The following COL26A1 variants were observed in gnomAD, a reference collection of about 807,000 sequenced individuals.
COL26A1 encodes the protein collagen type XXVI alpha 1 chain, also known as collagen alpha-1(XXVI) chain.
A neutral mutation model predicts 59.3 loss-of-function variants in COL26A1; 41 were observed. The ratio of observed to expected loss-of-function variants is 0.69; its 90% CI spans 0.54 to 0.90. The LOEUF is 0.90. COL26A1 is among the 40% of genes least tolerant of loss of function. The pLI, the probability that COL26A1 is intolerant of heterozygous loss-of-function variation, is 0.00. For synonymous variants in COL26A1, 266 were observed against 256.0 expected (o/e 1.04, Z -0.37); for missense variants, 612 against 602.3 (o/e 1.02, Z -0.17).
intron 3 of COL26A1, among the ~76,000 whole-genome samples, chr7:101,472,793 G>A (rs1401706896): frequency 3.7e-5 from 3 of 81,958 alleles, no homozygotes; most frequent in African/African-American, 1.0e-4. Flanking sequence ...CCTTCCAGTC[G>A]AAGTGTTGTG....
chr7:101,447,178 A>G (rs746329210), intron 2 of COL26A1, among the ~76,000 whole-genome samples: 25 of 152,184 alleles, frequency 1.6e-4, no homozygotes, highest in Non-Finnish European at 2.9e-4. Context: ...CACTGATCTT[A>G]GGTTTTATAA....
chr7:101,390,070 T>A (rs2130143201), intron 1 of COL26A1, among the ~76,000 whole-genome samples: 1 of 151,722 alleles, frequency 6.6e-6, no homozygotes, highest in African/African-American at 2.4e-5. Context: ...TTTTTGGGTG[T>A]CATAGCCAAG....
rs1260359080 is a variant in COL26A1 at position 101,401,844 on chromosome 7, G to T, written c.159-18133G>T. Among the ~76,000 whole-genome samples the T allele has an allele frequency of 7.9e-5, 12 of 152,184 alleles. No homozygotes were observed. The East Asian group carries it at 2.3e-3, about 30-fold the overall frequency. ...ATTTCCCAACTGGGCCCCAACCCAGGACACCACCTCTTGTCTCCAGCGGAA... is the reference window on the plus strand; with the variant it reads ...ATTTCCCAACTGGGCCCCAACCCAGTACACCACCTCTTGTCTCCAGCGGAA... On this transcript the variant is annotated intron_variant, in intron 1 of 12. Coordinates refer to ENST00000313669, the MANE Select transcript of COL26A1 (RefSeq NM_001278563.3).
At chr7:101,476,250 G>A (rs139712090) in intron 3 of COL26A1, among the ~76,000 whole-genome samples, 2,476 of 151,834 alleles carry the variant, frequency 0.016, 52 homozygotes, top group Non-Finnish European at 0.022. Flanking sequence ...TGCCCACCTC[G>A]ACCTCCTAAA....
At chr7:101,502,329 A>C (rs1421820977) in intron 3 of COL26A1, among the ~76,000 whole-genome samples, 1 of 152,168 alleles carries the variant, frequency 6.6e-6, no homozygotes, top group Non-Finnish European at 1.5e-5. Flanking sequence ...GCGACAGAGC[A>C]AGACTCAGTC....
chr7:101,528,472 G>A lies in COL26A1; in HGVS notation c.386-4610G>A, dbSNP rs1047975027. On this transcript the variant is annotated intron_variant, in intron 3 of 12. Transcript: ENST00000313669. Reference sequence around the variant, plus strand: ...CCCAAGGGTGGGGTGGTGTCTTCCTGTGTGGCTCGAGCTGGAGAGTTGCTT... The same window carrying A: ...CCCAAGGGTGGGGTGGTGTCTTCCTATGTGGCTCGAGCTGGAGAGTTGCTT... 7.2e-5 allele frequency among the ~76,000 whole-genome samples: 11 copies of A among 152,130 alleles called. No homozygotes were observed. In the South Asian group the frequency reaches 2.3e-3, roughly 32 times the overall value.
chr7:101,511,129 C>T (rs1794914963), intron 3 of COL26A1, among the ~76,000 whole-genome samples: 1 of 151,468 alleles, frequency 6.6e-6, no homozygotes, highest in Non-Finnish European at 1.5e-5. Context: ...GTCTCGATCT[C>T]CTAGCCTCAT....
rs4989272 is a variant in COL26A1, at chr7:101,362,912, C to T, written c.-121C>T. ...TTTCCAGCTCGCACCCGGGCTCCGA[C>T]CGCTCGCCCCGCTCCTCTCGCTGTG... On this transcript the variant is annotated 5_prime_UTR_variant, in exon 1 of 13. Coordinates refer to ENST00000313669, the MANE Select transcript of COL26A1 (RefSeq NM_001278563.3). 553,496 of 1,065,870 alleles carry T rather than the reference C, an allele frequency of 0.52. 147,104 individuals carry two copies. The highest frequency in any genetic ancestry group is 0.81 in the African/African-American group (47,666 of 59,132). 66.0% of individuals were successfully genotyped at this position (1,065,870 alleles called of 1,614,324 possible).
intron 3 of COL26A1, among the ~76,000 whole-genome samples, chr7:101,508,114 T>C (rs1027002423): frequency 1.3e-5 from 2 of 152,336 alleles, no homozygotes; most frequent in African/African-American, 2.4e-5. Context: ...TGCTCACATC[T>C]TCTCTTCCAC....
intron 12 of COL26A1, among the ~76,000 whole-genome samples, chr7:101,556,244 T>G (rs1016503074): frequency 6.6e-6 from 1 of 152,200 alleles, no homozygotes; most frequent in African/African-American, 2.4e-5. Context: ...CCCTCCTCTT[T>G]GTCCCTATGG....
At chr7:101,490,973 G>A (rs1164955099) in intron 3 of COL26A1, among the ~76,000 whole-genome samples, 3 of 128,098 alleles carry the variant, frequency 2.3e-5, no homozygotes, top group Non-Finnish European at 4.7e-5. Flanking sequence ...GACAGAGAAT[G>A]GCTCTGTCTC....
At chr7:101,492,622 C>T (rs760702921) in intron 3 of COL26A1, among the ~76,000 whole-genome samples, 7 of 151,248 alleles carry the variant, frequency 4.6e-5, no homozygotes, top group East Asian at 1.9e-4. Context: ...GCTTGAATCC[C>T]GGAGGTGGAG....
intron 3 of COL26A1, among the ~76,000 whole-genome samples, chr7:101,492,699 AAAAT>A (rs200117030): frequency 0.1 from 14,226 of 141,002 alleles, 821 homozygotes; most frequent in South Asian, 0.15. Context: ...TCTGTCTCAA[AAAAT>A]AAATAAATAA....
intron 3 of COL26A1, among the ~76,000 whole-genome samples, chr7:101,461,392 G>A (rs536499533): frequency 7.9e-5 from 12 of 151,582 alleles, no homozygotes; most frequent in East Asian, 1.9e-4. Context: ...TCCGCCTCCC[G>A]GGTTCAAGCG....
intron 3 of COL26A1, among the ~76,000 whole-genome samples, chr7:101,452,743 G>A (rs1793373627): frequency 6.6e-6 from 1 of 151,958 alleles, no homozygotes; most frequent in South Asian, 2.1e-4. Context: ...AAAAGGTACA[G>A]TACAAATATA....
intron 1 of COL26A1, among the ~76,000 whole-genome samples, chr7:101,387,731 TATA>T (rs1207608493): frequency 1.4e-3 from 122 of 85,198 alleles, no homozygotes; most frequent in African/African-American, 4.2e-3. Flanking sequence ...TATATTTTAA[TATA>T]ATTATATATA....
In COL26A1 at chr7:101,412,634, G is replaced by C. The variant is rs577849918; in HGVS notation, c.159-7343G>C. 1.6e-4 allele frequency among the ~76,000 whole-genome samples: 21 copies of C among 130,444 alleles called. No individual in the cohort carries two copies. In the South Asian group the frequency reaches 5.4e-3, roughly 34 times the overall value. The allele number at this position is 130,444 out of a possible 152,430, so 85.6% of individuals were successfully genotyped here. Reference sequence around the variant, plus strand: ...CCCTTCAGCCTGGGCCACAGAGCGAGACTCCGTCTCAAAAAAAAAAAAAAA... The same window carrying C: ...CCCTTCAGCCTGGGCCACAGAGCGACACTCCGTCTCAAAAAAAAAAAAAAA... On this transcript the variant is annotated intron_variant, in intron 1 of 12. Transcript: ENST00000313669.
intron 3 of COL26A1, among the ~76,000 whole-genome samples, chr7:101,462,721 C>T (rs973211212): frequency 1.3e-5 from 2 of 152,116 alleles, no homozygotes; most frequent in Non-Finnish European, 2.9e-5. Flanking sequence ...GCTTCCGGCC[C>T]CCGGTGACAC....
intron 3 of COL26A1, among the ~76,000 whole-genome samples, chr7:101,450,030 A>G (rs1368215341): frequency 6.6e-6 from 1 of 151,942 alleles, no homozygotes. Flanking sequence ...AGGCTGAGGC[A>G]GAAGAATCGC....
Sources: allele counts gnomAD v4.1 joint callset (sites outside exome capture counted in the v4.1 genomes callset), GRCh38; gene constraint gnomAD v4.1.1; transcripts MANE v1.5; gene names NCBI Gene and HGNC (gene_info 2026-07-23, HGNC 2026-07-21).